The following AEBP1 variants were observed in gnomAD, a reference collection of about 807,000 sequenced individuals.
The protein encoded by AEBP1 is adipocyte enhancer-binding protein 1.
A neutral mutation model predicts 116.5 loss-of-function variants in AEBP1; 69 were observed. The ratio of observed to expected loss-of-function variants is 0.59; its 90% CI spans 0.49 to 0.72. AEBP1 has a LOEUF of 0.72. Among genes scored for constraint, AEBP1 ranks in the 30% least tolerant of loss-of-function variants. The pLI is 0.00. For missense variants in AEBP1, 1,444 were observed against 1,557.5 expected (o/e 0.93, Z 1.23); for synonymous variants, 627 against 627.3 (o/e 1.00, Z 0.01).
Position 44,109,148 on chromosome 7 carries a change from G to C in AEBP1, c.1060G>C (p.Asp354His). 1 of 1,613,734 alleles carries C rather than the reference G, an allele frequency of 6.2e-7. No individual in the cohort carries two copies. The highest frequency in any genetic ancestry group is 8.5e-7 in the Non-Finnish European group (1 of 1,180,008). ...GGACAGCAGCCCCAAGGAGGAGACC[G>C]ACAAGTGGGCAGTGGAGAAGGGCAA... ...KEDSSPKEET[D>H]KWAVEKGKDH... is the part of the protein sequence containing the mutation. The change falls in exon 8 of 21, where the codon GAC (aspartate) becomes CAC (histidine). Residue 354 changes from aspartate (D) to histidine (H), a missense_variant. Coordinates refer to ENST00000223357, the MANE Select transcript of AEBP1 (RefSeq NM_001129.5).
chr7:44,107,634 G>C lies in AEBP1; in HGVS notation c.673G>C (p.Glu225Gln), dbSNP rs1346443301. ...VEAREHQPEP[E>Q]EETEQPTLDY... is the part of the protein sequence containing the mutation. Reference sequence around the variant, plus strand: ...TACCAGCGCTTTCCCCTCAGAGCCGGAGGAGGAGACCGAGCAACCCACACT... The same window carrying C: ...TACCAGCGCTTTCCCCTCAGAGCCGCAGGAGGAGACCGAGCAACCCACACT... The change falls in exon 4 of 21, where the codon GAG becomes CAG. Residue 225 changes from glutamate to glutamine, a missense_variant. By Grantham distance (29) the Glu-to-Gln change is conservative. Coordinates refer to ENST00000223357, the MANE Select transcript of AEBP1 (RefSeq NM_001129.5). The surrounding 1 kb of genome is among the most constrained non-coding windows in gnomAD (Gnocchi z 4.3). 16 of 1,613,552 alleles carry C rather than the reference G, an allele frequency of 9.9e-6. No individual in the cohort carries two copies. Among genetic ancestry groups the C allele is most frequent in the Non-Finnish European group, 1.4e-5 (16 of 1,179,974 alleles).
In AEBP1 at chr7:44,113,459, C is replaced by CG; in HGVS notation, c.2809+109dup. The CG allele has an allele frequency of 7.6e-7, 1 of 1,320,258 alleles. No individual in the cohort carries two copies. The highest frequency in any genetic ancestry group is 1.0e-6 in the Non-Finnish European group (1 of 998,252). The allele number at this position is 1,320,258 out of a possible 1,614,324, so 81.8% of individuals were successfully genotyped here. On this transcript the variant is annotated intron_variant, in intron 20 of 20. Transcript: ENST00000223357. The surrounding 1 kb of genome is among the most constrained non-coding windows in gnomAD (Gnocchi z 5.3). ...AGGTAGAGTCTGGGGAGCCTGGGGG[C>CG]GAAATTCAGAGAGGGAGGGCGGTGC...
In AEBP1 at chr7:44,112,978, T is replaced by C; in HGVS notation, c.2570-13T>C. Reference sequence around the variant, plus strand: ...GAGGGGCTGACTTTGGGTCTGTATCTGTCCCCGGCCAGCTATCAATGACTT... The same window carrying C: ...GAGGGGCTGACTTTGGGTCTGTATCCGTCCCCGGCCAGCTATCAATGACTT... On this transcript the variant is annotated splice_polypyrimidine_tract_variant and intron_variant, in intron 18 of 20. Transcript: ENST00000223357. The surrounding 1 kb of genome is among the most constrained non-coding windows in gnomAD (Gnocchi z 6.6). 6.2e-7 allele frequency: 1 copy of C among 1,613,968 alleles called. No individual in the cohort carries two copies. Among genetic ancestry groups the C allele is most frequent in the Non-Finnish European group, 8.5e-7 (1 of 1,179,956 alleles).
rs781344036 is a variant in AEBP1 at position 44,110,722 on chromosome 7, C to A, written c.1401-3C>A. 10 of 1,522,788 alleles carry A rather than the reference C, an allele frequency of 6.6e-6. No individual in the cohort carries two copies. The allele number at this position is 1,522,788 out of a possible 1,614,324, so 94.3% of individuals were successfully genotyped here. ...CTTGCTCTGACCACTGTCCACTCCA[C>A]AGTGACGATTTTGTGACCACCTTCT... On this transcript the variant is annotated splice_region_variant and splice_polypyrimidine_tract_variant and intron_variant, in intron 11 of 20. Coordinates refer to ENST00000223357, the MANE Select transcript of AEBP1 (RefSeq NM_001129.5).
At position 44,111,817 on chromosome 7, in the gene AEBP1, G is replaced by A; in HGVS notation, c.1841-37G>A. The A allele has an allele frequency of 6.3e-7, 1 of 1,595,740 alleles. No individual in the cohort carries two copies. The highest frequency in any genetic ancestry group is 8.5e-7 in the Non-Finnish European group (1 of 1,170,684). ...CCTTCCTCAGCTGCCCTGGGCCTCGGGAGACTGAGTGCTCACTGAGGCTCC... is the reference window on the plus strand; with the variant it reads ...CCTTCCTCAGCTGCCCTGGGCCTCGAGAGACTGAGTGCTCACTGAGGCTCC... On this transcript the variant is annotated intron_variant, in intron 15 of 20. Transcript: ENST00000223357. This position sits in a 1 kb window ranked among gnomAD's most constrained non-coding sequence, Gnocchi z 4.7.
Position 44,113,027 on chromosome 7 carries a change from T to G in AEBP1, c.2606T>G (p.Leu869Arg), listed in dbSNP as rs753655236. ...TTCAGTTACCTGCATACCAACTGCC[T>G]GGAGCTCTCCTTCTACCTGGGCTGT... ...NDFSYLHTNC[L>R]ELSFYLGCDK... Residue 869 changes from leucine (L) to arginine (R), a missense_variant, in exon 19 of 21, where the codon CTG becomes CGG. Leu to Arg is a moderately radical substitution (Grantham distance 102, BLOSUM62 -2). Coordinates refer to ENST00000223357, the MANE Select transcript of AEBP1 (RefSeq NM_001129.5). This position sits in a 1 kb window ranked among gnomAD's most constrained non-coding sequence, Gnocchi z 5.3. 6.2e-7 allele frequency: 1 copy of G among 1,614,106 alleles called. No individual in the cohort carries two copies. The highest frequency in any genetic ancestry group is 8.5e-7 in the Non-Finnish European group (1 of 1,180,012).
rs2096220866 is a variant in AEBP1, at chr7:44,104,557, C to T, written c.-109C>T. The T allele has an allele frequency of 2.8e-6, 2 of 702,224 alleles. No individual in the cohort carries two copies. Among genetic ancestry groups the T allele is most frequent in the South Asian group, 2.4e-5 (1 of 41,310 alleles). The allele number at this position is 702,224 out of a possible 1,614,324, so 43.5% of individuals were successfully genotyped here. A position where few individuals can be genotyped will look rare whatever the true frequency, so the allele number is the denominator to read the frequency against. ...CGCTCACCCCATCCTCTCTCCCGCCCCTTCCTGGATTCCCTCACCCGTCTC... is the reference window on the plus strand; with the variant it reads ...CGCTCACCCCATCCTCTCTCCCGCCTCTTCCTGGATTCCCTCACCCGTCTC... On this transcript the variant is annotated 5_prime_UTR_variant, in exon 1 of 21. Coordinates refer to ENST00000223357, the MANE Select transcript of AEBP1 (RefSeq NM_001129.5).
chr7:44,112,985 G>A lies in AEBP1; in HGVS notation c.2570-6G>A. On this transcript the variant is annotated splice_polypyrimidine_tract_variant and splice_region_variant and intron_variant, in intron 18 of 20. Transcript: ENST00000223357. This position sits in a 1 kb window ranked among gnomAD's most constrained non-coding sequence, Gnocchi z 6.6. ...TGACTTTGGGTCTGTATCTGTCCCCGGCCAGCTATCAATGACTTCAGTTAC... is the reference window on the plus strand; with the variant it reads ...TGACTTTGGGTCTGTATCTGTCCCCAGCCAGCTATCAATGACTTCAGTTAC... 1 of 1,613,956 alleles carries A rather than the reference G, an allele frequency of 6.2e-7. No homozygotes were observed. The highest frequency in any genetic ancestry group is 8.5e-7 in the Non-Finnish European group (1 of 1,179,958).
chr7:44,114,009 C>T lies in AEBP1; in HGVS notation c.3225C>T (p.Thr1075=), dbSNP rs1015648145. The T allele has an allele frequency of 3.7e-6, 6 of 1,613,982 alleles. No individual in the cohort carries two copies. Among genetic ancestry groups the T allele is most frequent in the South Asian group, 1.1e-5 (1 of 91,072 alleles). The change falls in exon 21 of 21, where the codon ACC becomes ACT. Residue 1075 remains threonine, a synonymous_variant. Coordinates refer to ENST00000223357, the MANE Select transcript of AEBP1 (RefSeq NM_001129.5). The part of the protein sequence containing the change: ...IEPWGLIPPT[T]AGWEESETET... Reference sequence around the variant, plus strand: ...CCTGGGGCCTCATACCGCCAACCACCGCTGGCTGGGAGGAGTCGGAGACTG... The same window carrying T: ...CCTGGGGCCTCATACCGCCAACCACTGCTGGCTGGGAGGAGTCGGAGACTG...
rs1463858324 is a variant in AEBP1 at position 44,113,186 on chromosome 7, G to A, written c.2709+56G>A. The A allele has an allele frequency of 9.3e-6, 15 of 1,613,122 alleles. No homozygotes were observed. The highest frequency in any genetic ancestry group is 1.3e-5 in the Non-Finnish European group (15 of 1,179,526). ...GGAGGCTGCACAGGCTCCTGGATGG[G>A]CGGGAGGGAGCAGCGGACCACATTG... On this transcript the variant is annotated intron_variant, in intron 19 of 20. Transcript: ENST00000223357. The surrounding 1 kb of genome is among the most constrained non-coding windows in gnomAD (Gnocchi z 5.3).
In AEBP1 at chr7:44,108,072, A is replaced by T; in HGVS notation, c.928A>T (p.Asn310Tyr). ...PDYGDGYVIP[N>Y]YDDMDYYFGP... is the part of the protein sequence containing the mutation. ...CTATGGTGATGGTTACGTGATCCCC[A>T]ACTACGATGACAGTGAGTACCCAGC... is the stretch of plus-strand genomic sequence containing the variant. The change falls in exon 6 of 21, where the codon AAC becomes TAC. Residue 310 changes from asparagine (N) to tyrosine (Y), a missense_variant. Coordinates refer to ENST00000223357, the MANE Select transcript of AEBP1 (RefSeq NM_001129.5). This position sits in a 1 kb window ranked among gnomAD's most constrained non-coding sequence, Gnocchi z 5.0. 1.3e-6 allele frequency: 2 copies of T among 1,598,424 alleles called. No homozygotes were observed. The highest frequency in any genetic ancestry group is 2.2e-5 in the South Asian group (2 of 88,980).
chr7:44,113,296 C>T lies in AEBP1; in HGVS notation c.2754C>T (p.Ile918=), dbSNP rs1172524369. 6.2e-7 allele frequency: 1 copy of T among 1,613,686 alleles called. No homozygotes were observed. The highest frequency in any genetic ancestry group is 1.1e-5 in the South Asian group (1 of 91,058). The change falls in exon 20 of 21, where the codon ATC becomes ATT. Residue 918 remains isoleucine (I), a synonymous_variant. Transcript: ENST00000223357. This position sits in a 1 kb window ranked among gnomAD's most constrained non-coding sequence, Gnocchi z 5.3. ...GGGTGGTGACGGACGAGCAAGGCATCCCCATTGCCAACGCCACCATCTCTG... is the reference window on the plus strand; with the variant it reads ...GGGTGGTGACGGACGAGCAAGGCATTCCCATTGCCAACGCCACCATCTCTG... ...IKGVVTDEQG[I]PIANATISVS...
At position 44,111,045 on chromosome 7, in the gene AEBP1, T is replaced by C; in HGVS notation, c.1618T>C (p.Cys540Arg). 1.2e-6 allele frequency: 2 copies of C among 1,610,568 alleles called. No individual in the cohort carries two copies. Among genetic ancestry groups the C allele is most frequent in the Non-Finnish European group, 1.7e-6 (2 of 1,177,806 alleles). ...SLCMRLEVLG[C>R]SVAPVYSYYA... The stretch of plus-strand genomic sequence containing the variant: ...GTGCATGCGCCTGGAGGTGCTGGGG[T>C]GCTCTGTGGCCCGTGAGTGTGGAGG... Residue 540 changes from cysteine (C) to arginine (R), a missense_variant, in exon 13 of 21, where the codon TGC becomes CGC. Cys to Arg is a radical substitution (Grantham distance 180). Coordinates refer to ENST00000223357, the MANE Select transcript of AEBP1 (RefSeq NM_001129.5). This position sits in a 1 kb window ranked among gnomAD's most constrained non-coding sequence, Gnocchi z 4.7.
At position 44,108,168 on chromosome 7, in the gene AEBP1, A is replaced by G; in HGVS notation, c.940+84A>G. On this transcript the variant is annotated intron_variant, in intron 6 of 20. Transcript: ENST00000223357. The surrounding 1 kb of genome is among the most constrained non-coding windows in gnomAD (Gnocchi z 5.0). The stretch of plus-strand genomic sequence containing the variant: ...GTGTGGTCAGGAGCCAGCTGGGGCA[A>G]CTCACCCACCTTGCAACCCCACCTG... 3.7e-6 allele frequency: 5 copies of G among 1,366,364 alleles called. No individual in the cohort carries two copies. Among genetic ancestry groups the G allele is most frequent in the Non-Finnish European group, 5.1e-6 (5 of 987,862 alleles). The allele number at this position is 1,366,364 out of a possible 1,614,324, so 84.6% of individuals were successfully genotyped here. A position where few individuals can be genotyped will look rare whatever the true frequency, so the allele number is the denominator to read the frequency against.
In AEBP1 at chr7:44,110,935, A is replaced by G. The variant is rs150055229; in HGVS notation, c.1508A>G (p.Lys503Arg). The stretch of plus-strand genomic sequence containing the variant: ...CAGACCTTTCATGGGAACGTGGACA[A>G]GGACACACCCGTGCTGAGTGAGCTC... ...EEMTFHGNVD[K>R]DTPVLSELPE... The change falls in exon 13 of 21, where the codon AAG becomes AGG. Residue 503 changes from lysine to arginine, a missense_variant. Lys to Arg is a conservative substitution (Grantham distance 26). Transcript: ENST00000223357. 9 of 1,614,042 alleles carry G rather than the reference A, an allele frequency of 5.6e-6. No individual in the cohort carries two copies. The Admixed American group carries it at 8.3e-5, about 15-fold the overall frequency.
At position 44,113,148 on chromosome 7, in the gene AEBP1, A is replaced by C. The variant is rs371285263; in HGVS notation, c.2709+18A>C. ...TGGAGCAGGTGGGGTGGCTAGGGCA[A>C]TGCCTGGGGAGAGGAGGCTGCACAG... On this transcript the variant is annotated intron_variant, in intron 19 of 20. Transcript: ENST00000223357. This position sits in a 1 kb window ranked among gnomAD's most constrained non-coding sequence, Gnocchi z 5.3. The C allele has an allele frequency of 3.7e-6, 6 of 1,613,678 alleles. No homozygotes were observed. The South Asian group carries it at 6.6e-5, about 18-fold the overall frequency.
In AEBP1 at chr7:44,112,112, G is replaced by C; in HGVS notation, c.2038-30G>C. The stretch of plus-strand genomic sequence containing the variant: ...GCTGGGGGTTGTGGGGGTGTGGGTA[G>C]CCGATGCCTACCCTGCTGGCTCCCC... On this transcript the variant is annotated intron_variant, in intron 16 of 20. Transcript: ENST00000223357. This position sits in a 1 kb window ranked among gnomAD's most constrained non-coding sequence, Gnocchi z 6.6. The C allele has an allele frequency of 6.3e-7, 1 of 1,599,320 alleles. No individual in the cohort carries two copies. The highest frequency in any genetic ancestry group is 1.7e-4 in the Middle Eastern group (1 of 5,996).
intron 1 of AEBP1, 78 bp from the exon 2 acceptor site, chr7:44,106,468 T>G: frequency 7.2e-7 from 1 of 1,388,076 alleles, no homozygotes; most frequent in South Asian, 1.4e-5. Flanking sequence ...GTGCCCAGGT[T>G]CTGGGCATCT....
At chr7:44,105,644 C>T (rs2096222207) in intron 1 of AEBP1, among the ~76,000 whole-genome samples, 1 of 151,970 alleles carries the variant, frequency 6.6e-6, no homozygotes, top group South Asian at 2.1e-4. Context: ...TGGCTGCTTC[C>T]CACACCCTGG....
Sources: gnomAD v4.1 joint callset for allele counts (sites outside exome capture counted in the v4.1 genomes callset) on GRCh38, gnomAD v4.1.1 for gene constraint, Gnocchi (gnomAD v3.1) non-coding constraint, MANE v1.5 for transcripts, NCBI Gene and HGNC (gene_info 2026-07-23, HGNC 2026-07-21) for gene names.